The following RPS4X variants were observed in gnomAD, a reference collection of about 807,000 sequenced individuals.
The protein encoded by RPS4X is ribosomal protein S4 X-linked, also known as small ribosomal subunit protein eS4, X isoform.
For synonymous variants in RPS4X, 76 were observed against 76.8 expected, an observed-to-expected ratio of 0.99 and a Z score of 0.06; for missense variants, 90 against 219.1, an observed-to-expected ratio of 0.41 and a Z score of 3.72.
At chrX:72,275,485 A>G (rs994597757) in intron 3 of RPS4X, 59 bp downstream of exon 3, 4 of 932,762 alleles carry the variant, frequency 4.3e-6, no homozygotes, top group East Asian at 3.1e-5. Flanking sequence ...TCAAGACAGT[A>G]TTTGGATACC....
In RPS4X at chrX:72,272,116, G is replaced by C. The variant is rs2043183500; in HGVS notation, c.*555C>G. ...AACAGAGTTGAGGACTGCAGCGGCA[G>C]CTGGAGAATAAGGGCACTAAGTCCA... On this transcript the variant is annotated 3_prime_UTR_variant, in exon 7 of 7. Coordinates refer to ENST00000316084, the MANE Select transcript of RPS4X (RefSeq NM_001007.5). The C allele has an allele frequency of 8.9e-6, 1 of 112,547 alleles. No individual in the cohort carries two copies. Among genetic ancestry groups the C allele is most frequent in the Non-Finnish European group, 1.9e-5 (1 of 53,445 alleles). 9.3% of individuals were successfully genotyped at this position (112,547 alleles called of 1,213,427 possible). A position where few individuals can be genotyped will look rare whatever the true frequency, so the allele number is the denominator to read the frequency against.
In RPS4X at chrX:72,276,148, G is replaced by C. The variant is rs1264011394; in HGVS notation, c.81+9C>G. On this transcript the variant is annotated intron_variant, in intron 2 of 6. Coordinates refer to ENST00000316084, the MANE Select transcript of RPS4X (RefSeq NM_001007.5). ...AGTGGCCACGGAAATATTTATATAA[G>C]ATACTTACAAACACACCGGTCAATT... 4 of 1,190,971 alleles carry C rather than the reference G, an allele frequency of 3.4e-6. No homozygotes were observed. In the African/African-American group the frequency reaches 5.3e-5, roughly 16 times the overall value.
At position 72,272,780 on chromosome X, in the gene RPS4X, A is replaced by G; in HGVS notation, c.691-8T>C. 8.6e-7 allele frequency: 1 copy of G among 1,169,388 alleles called. No individual in the cohort carries two copies. Among genetic ancestry groups the G allele is most frequent in the Non-Finnish European group, 1.2e-6 (1 of 858,224 alleles). On this transcript the variant is annotated splice_polypyrimidine_tract_variant and splice_region_variant and intron_variant, in intron 6 of 6. Coordinates refer to ENST00000316084, the MANE Select transcript of RPS4X (RefSeq NM_001007.5). ...AATCCATGGTTTGTTGCCCTGGAAG[A>G]GAAAACAAGCAGAATCAAAACCCAC...
rs1197480449 is a variant in RPS4X, at chrX:72,272,389, GGGAGATAAATACTCC to G, written c.*267_*281del. The G allele has an allele frequency of 1.5e-5, 4 of 275,609 alleles. No homozygotes were observed. The highest frequency in any genetic ancestry group is 1.9e-5 in the Non-Finnish European group (3 of 157,410). The allele number at this position is 275,609 out of a possible 1,213,427, so 22.7% of individuals were successfully genotyped here. On this transcript the variant is annotated 3_prime_UTR_variant, in exon 7 of 7. Coordinates refer to ENST00000316084, the MANE Select transcript of RPS4X (RefSeq NM_001007.5). ...GAAGTTCTTGGCCAAGTCAAGGCGG[GGGAGATAAATACTCC>G]GGGATTTCTTGGCTCTTTCTACTCC... is the stretch of plus-strand genomic sequence containing the variant.
At chrX:72,272,824 G>T (rs1196986201) in intron 6 of RPS4X, 52 bp from the exon 7 acceptor site, 1 of 872,846 alleles carries the variant, frequency 1.1e-6, no homozygotes, top group South Asian at 2.2e-5. Flanking sequence ...AACTCATAGT[G>T]GCTTGGCACA....
intron 6 of RPS4X, among the ~76,000 whole-genome samples, 194 bp from the exon 7 acceptor site, chrX:72,272,966 A>G (rs1320441889): frequency 8.9e-6 from 1 of 112,115 alleles, no homozygotes; most frequent in South Asian, 3.7e-4. Flanking sequence ...GGGCTGTCCT[A>G]TGAAACTCAC....
At chrX:72,273,573 AC>A (rs1216372686) in intron 5 of RPS4X, among the ~76,000 whole-genome samples, 184 bp from the exon 6 acceptor site, 1 of 111,724 alleles carries the variant, frequency 9.0e-6, no homozygotes, top group African/African-American at 3.3e-5. Context: ...GGTGGCTCAC[AC>A]CTATAATCAG....
At position 72,273,791 on chromosome X, in the gene RPS4X, G is replaced by A; in HGVS notation, c.532+10C>T. ...AAAGAGGGTGCCCAGGTAGCACAGA[G>A]GATGCTTACCAGTGTCGAACTTGAT... On this transcript the variant is annotated intron_variant, in intron 5 of 6. Coordinates refer to ENST00000316084, the MANE Select transcript of RPS4X (RefSeq NM_001007.5). 5 of 1,202,652 alleles carry A rather than the reference G, an allele frequency of 4.2e-6. No homozygotes were observed. The highest frequency in any genetic ancestry group is 2.3e-4 in the Middle Eastern group (1 of 4,329).
intron 2 of RPS4X, 129 bp from the exon 3 acceptor site, chrX:72,275,853 G>A (rs2043200810): frequency 3.6e-6 from 2 of 560,098 alleles, no homozygotes; most frequent in Non-Finnish European, 5.7e-6. Flanking sequence ...CTTTTACACA[G>A]GAGGTGTAAA....
At chrX:72,276,549 T>C (rs1395299875) in intron 1 of RPS4X, among the ~76,000 whole-genome samples, 1 of 111,902 alleles carries the variant, frequency 8.9e-6, no homozygotes, top group Middle Eastern at 4.6e-3. Flanking sequence ...GCTTAGAGGT[T>C]AGGGTCTTTC....
chrX:72,273,501 A>G, intron 5 of RPS4X, 112 bp from the exon 6 acceptor site: 3 of 799,943 alleles, frequency 3.8e-6, no homozygotes, highest in African/African-American at 2.1e-5. Context: ...ATTTCCTCAT[A>G]TGGAACTGCT....
chrX:72,276,657 C>T (rs1172466160), intron 1 of RPS4X, among the ~76,000 whole-genome samples: 2 of 112,133 alleles, frequency 1.8e-5, no homozygotes, highest in Non-Finnish European at 3.8e-5. Context: ...CTGTTTTTGA[C>T]ACGTATGGAA....
intron 2 of RPS4X, 36 bp from the exon 3 acceptor site, chrX:72,275,760 C>A: frequency 9.1e-7 from 1 of 1,095,792 alleles, no homozygotes; most frequent in Non-Finnish European, 1.2e-6. Flanking sequence ...TGTTGGGATT[C>A]ACTAAAGCAC....
chrX:72,272,751 G>A lies in RPS4X; in HGVS notation c.712C>T (p.Leu238Phe). The change falls in exon 7 of 7, where the codon CTT becomes TTT. Residue 238 changes from leucine to phenylalanine, a missense_variant. Transcript: ENST00000316084. ...AGGCGGATACCCTTTCCTCGGGGAA[G>A]AGAAATCCATGGTTTGTTGCCCTGG... ...IGKGNKPWIS[L>F]PRGKGIRLTI... 4 of 1,208,752 alleles carry A rather than the reference G, an allele frequency of 3.3e-6. No individual in the cohort carries two copies. Among genetic ancestry groups the A allele is most frequent in the Non-Finnish European group, 4.5e-6 (4 of 893,261 alleles).
intron 3 of RPS4X, 129 bp from the exon 4 acceptor site, chrX:72,275,279 C>G: frequency 2.1e-6 from 1 of 481,670 alleles, no homozygotes; most frequent in Non-Finnish European, 3.5e-6. Flanking sequence ...AACAAGGATT[C>G]TGAAGATTAA....
In RPS4X at chrX:72,272,479, C is replaced by T. The variant is rs2043184748; in HGVS notation, c.*192G>A. 2.7e-6 allele frequency: 1 copy of T among 372,810 alleles called. No individual in the cohort carries two copies. Among genetic ancestry groups the T allele is most frequent in the Non-Finnish European group, 4.6e-6 (1 of 215,593 alleles). The allele number at this position is 372,810 out of a possible 1,213,427, so 30.7% of individuals were successfully genotyped here. On this transcript the variant is annotated 3_prime_UTR_variant, in exon 7 of 7. Coordinates refer to ENST00000316084, the MANE Select transcript of RPS4X (RefSeq NM_001007.5). The stretch of plus-strand genomic sequence containing the variant: ...AAGTCTGGTATCTTCTACTTCCCAC[C>T]ACTAACTAAGCCCAGCCAATAACAG...
At chrX:72,275,462 G>T (rs1343304385) in intron 3 of RPS4X, 82 bp downstream of exon 3, 10 of 790,856 alleles carry the variant, frequency 1.3e-5, no homozygotes, top group Non-Finnish European at 1.9e-5. Flanking sequence ...GATTACAAAG[G>T]TTAGAAAAAT....
chrX:72,274,667 T>C (rs747417236), intron 4 of RPS4X: 8 of 240,944 alleles, frequency 3.3e-5, no homozygotes, highest in Non-Finnish European at 6.3e-5. Flanking sequence ...AATGGAGACA[T>C]GGCAAAGGGC....
Position 72,276,778 on chromosome X carries a change from T to C in RPS4X, c.3+415A>G, listed in dbSNP as rs1014831591. 1.2e-4 allele frequency among the ~76,000 whole-genome samples: 13 copies of C among 112,489 alleles called. No individual in the cohort carries two copies. In the Admixed American group the frequency reaches 1.2e-3, roughly 10 times the overall value. ...GTAAGGAAGCCTTTTTAATGCTGTG[T>C]CCAGATGCTTACCGGCCACGTATGG... On this transcript the variant is annotated intron_variant, in intron 1 of 6. Coordinates refer to ENST00000316084, the MANE Select transcript of RPS4X (RefSeq NM_001007.5).
Sources: allele counts gnomAD v4.1 joint callset (sites outside exome capture counted in the v4.1 genomes callset), GRCh38; gene constraint gnomAD v4.1.1; transcripts MANE v1.5; gene names NCBI Gene and HGNC (gene_info 2026-07-23, HGNC 2026-07-21).